JAKMIP1: variants seen among roughly 807,000 people sequenced by gnomAD.
The protein encoded by JAKMIP1 is janus kinase and microtubule interacting protein 1.
A neutral mutation model predicts 113.0 loss-of-function variants in JAKMIP1; 33 were observed. The ratio of observed to expected loss-of-function variants is 0.29; its 90% CI spans 0.22 to 0.39. JAKMIP1 has a LOEUF of 0.39. JAKMIP1 is among the 10% of genes least tolerant of loss of function. JAKMIP1 has a pLI of 1.00. For missense variants in JAKMIP1, 813 were observed against 1,080.5 expected (o/e 0.75, Z 3.47); for synonymous variants, 480 against 459.9 (o/e 1.04, Z -0.56).
At chr4:6,039,468 G>GT (rs917920776) in intron 18 of JAKMIP1, among the ~76,000 whole-genome samples, 14 of 152,066 alleles carry the variant, frequency 9.2e-5, no homozygotes, top group African/African-American at 2.4e-4. Flanking sequence ...ATTCCTTGGA[G>GT]TTTTTTTGGA....
chr4:6,058,159 G>T (rs1007553730), intron 11 of JAKMIP1, among the ~76,000 whole-genome samples: 5 of 152,258 alleles, frequency 3.3e-5, no homozygotes, highest in African/African-American at 1.2e-4. Flanking sequence ...AGCAGGCATG[G>T]AGGGCAGAGC....
chr4:6,030,987 G>A (rs1046372825), intron 19 of JAKMIP1, among the ~76,000 whole-genome samples: 1 of 152,194 alleles, frequency 6.6e-6, no homozygotes, highest in Non-Finnish European at 1.5e-5. Flanking sequence ...GGCACATTTA[G>A]TCACTCAGTA....
rs147351691 is a variant in JAKMIP1, at chr4:6,044,534, G to A, written c.2029-2307C>T. On this transcript the variant is annotated intron_variant, in intron 16 of 20. Transcript: ENST00000409021. This position sits in a 1 kb window ranked among gnomAD's most constrained non-coding sequence, Gnocchi z 4.4. ...CTCAAACAAGGCTCAGACAAGATGC[G>A]TGGTTTCTTAGAAACAGATAAGCAT... is the stretch of plus-strand genomic sequence containing the variant. Among the ~76,000 whole-genome samples the A allele has an allele frequency of 1.8e-4, 28 of 152,306 alleles. No homozygotes were observed. The highest frequency in any genetic ancestry group is 1.6e-3 in the Admixed American group (25 of 15,300).
rs1009412913 is a variant in JAKMIP1, at chr4:6,180,123, G to T, written c.-148+20130C>A. ...CAGAAAATTAAGTGCCACTGAATTA[G>T]CCCCAACACTTTCATAAACAGCAGT... On this transcript the variant is annotated intron_variant, in intron 1 of 20. Transcript: ENST00000409021. This position sits in a 1 kb window ranked among gnomAD's most constrained non-coding sequence, Gnocchi z 4.5. Among the ~76,000 whole-genome samples, 6 of 152,158 alleles carry T rather than the reference G, an allele frequency of 3.9e-5. No individual in the cohort carries two copies. Among genetic ancestry groups the T allele is most frequent in the Non-Finnish European group, 8.8e-5 (6 of 68,038 alleles).
rs1722149957 is a variant in JAKMIP1 at position 6,155,716 on chromosome 4, G to A, written c.-147-42719C>T. 6.6e-6 allele frequency among the ~76,000 whole-genome samples: 1 copy of A among 152,154 alleles called. No homozygotes were observed. The highest frequency in any genetic ancestry group is 1.5e-5 in the Non-Finnish European group (1 of 68,040). On this transcript the variant is annotated intron_variant, in intron 1 of 20. Transcript: ENST00000409021. The surrounding 1 kb of genome is among the most constrained non-coding windows in gnomAD (Gnocchi z 6.1). ...TTCACCAACAACTGTATGTCCCATG[G>A]CACATTTATAGAACGGGATATTATA...
At position 6,064,828 on chromosome 4, in the gene JAKMIP1, C is replaced by A; in HGVS notation, c.1431+52G>T. On this transcript the variant is annotated intron_variant, in intron 9 of 20. Transcript: ENST00000409021. The surrounding 1 kb of genome is among the most constrained non-coding windows in gnomAD (Gnocchi z 4.3). ...TGCAACTATCAAAAGCAGGAGGTGC[C>A]GCCCCGAGAGCATCTGGGGTGAGGT... The A allele has an allele frequency of 1.2e-6, 2 of 1,609,790 alleles. No individual in the cohort carries two copies. Among genetic ancestry groups the A allele is most frequent in the Non-Finnish European group, 1.7e-6 (2 of 1,177,816 alleles).
chr4:6,072,432 G>T (rs565978729), intron 8 of JAKMIP1, among the ~76,000 whole-genome samples: 1 of 152,338 alleles, frequency 6.6e-6, no homozygotes, highest in East Asian at 1.9e-4. Flanking sequence ...CTTTACCTTT[G>T]ATCAGAGCTG....
intron 8 of JAKMIP1, among the ~76,000 whole-genome samples, chr4:6,074,438 T>G (rs1428251932): frequency 1.3e-5 from 2 of 152,182 alleles, no homozygotes; most frequent in African/African-American, 4.8e-5. Context: ...CACAGTACTC[T>G]GTCAAGCAAA....
At chr4:6,171,153 C>G (rs1213465066) in intron 1 of JAKMIP1, among the ~76,000 whole-genome samples, 1 of 150,922 alleles carries the variant, frequency 6.6e-6, no homozygotes, top group Non-Finnish European at 1.5e-5. Flanking sequence ...ACCATCATCA[C>G]CACCACCATC....
intron 3 of JAKMIP1, among the ~76,000 whole-genome samples, chr4:6,103,154 A>G (rs182851425): frequency 3.9e-4 from 60 of 152,228 alleles, no homozygotes; most frequent in African/African-American, 1.3e-3. Context: ...AAGATTTTTG[A>G]TAGAACCATT....
chr4:6,062,227 G>A (rs1011552138), intron 10 of JAKMIP1, 85 bp downstream of exon 10: 3 of 1,465,544 alleles, frequency 2.0e-6, no homozygotes, highest in African/African-American at 2.8e-5. Context: ...GAGTGTCCAA[G>A]CCAGGGTATG....
rs1283829218 is a variant in JAKMIP1, at chr4:6,136,342, C to G, written c.-147-23345G>C. Among the ~76,000 whole-genome samples, 1 of 152,086 alleles carries G rather than the reference C, an allele frequency of 6.6e-6. No individual in the cohort carries two copies. The highest frequency in any genetic ancestry group is 1.5e-5 in the Non-Finnish European group (1 of 68,036). On this transcript the variant is annotated intron_variant, in intron 1 of 20. Coordinates refer to ENST00000409021, the MANE Select transcript of JAKMIP1 (RefSeq NM_001099433.2). The surrounding 1 kb of genome is among the most constrained non-coding windows in gnomAD (Gnocchi z 5.9). ...TTCAGTCTGCTTGAACCCAAAAGAC[C>G]ATGGGAATATTTAAGTACTTCTGAC...
At chr4:6,078,086 G>A (rs1719935823) in intron 8 of JAKMIP1, among the ~76,000 whole-genome samples, 1 of 152,044 alleles carries the variant, frequency 6.6e-6, no homozygotes, top group African/African-American at 2.4e-5. Flanking sequence ...AACCAAACGG[G>A]GCACTTGTGT....
chr4:6,068,170 T>A (rs1718442064), intron 8 of JAKMIP1, among the ~76,000 whole-genome samples: 1 of 152,166 alleles, frequency 6.6e-6, no homozygotes, highest in Non-Finnish European at 1.5e-5. Context: ...TAACTACCAA[T>A]GCTGCCGAAA....
At chr4:6,122,646 G>A (rs558694742) in intron 1 of JAKMIP1, among the ~76,000 whole-genome samples, 5 of 152,320 alleles carry the variant, frequency 3.3e-5, no homozygotes, top group Admixed American at 6.5e-5. Context: ...AGCAAGTGCC[G>A]GCTCTAGGAT....
intron 2 of JAKMIP1, among the ~76,000 whole-genome samples, chr4:6,110,556 G>T (rs1477580102): frequency 6.7e-6 from 1 of 149,408 alleles, no homozygotes; most frequent in African/African-American, 2.5e-5. Context: ...CACTGCCAGG[G>T]TCATGACACC....
At position 6,129,786 on chromosome 4, in the gene JAKMIP1, C is replaced by G. The variant is rs1020132448; in HGVS notation, c.-147-16789G>C. Among the ~76,000 whole-genome samples, 1 of 152,200 alleles carries G rather than the reference C, an allele frequency of 6.6e-6. No homozygotes were observed. Among genetic ancestry groups the G allele is most frequent in the African/African-American group, 2.4e-5 (1 of 41,438 alleles). ...GAAAAGTATTCTGAGGTCAAAACAC[C>G]CTTCCTGTTTCTGGCAGCCTCAATT... On this transcript the variant is annotated intron_variant, in intron 1 of 20. Transcript: ENST00000409021. The surrounding 1 kb of genome is among the most constrained non-coding windows in gnomAD (Gnocchi z 5.4).
intron 8 of JAKMIP1, among the ~76,000 whole-genome samples, chr4:6,068,287 C>G (rs996686845): frequency 7.2e-5 from 11 of 152,190 alleles, no homozygotes; most frequent in South Asian, 2.1e-4. Flanking sequence ...TAGCAAACAG[C>G]CTAACTCCAG....
intron 17 of JAKMIP1, among the ~76,000 whole-genome samples, chr4:6,041,033 G>T (rs762451971): frequency 1.1e-4 from 17 of 151,998 alleles, no homozygotes; most frequent in East Asian, 1.9e-4. Context: ...GTCCTTCTAG[G>T]TTCCTCCTGC....
Sources: gnomAD v4.1 joint callset for allele counts (sites outside exome capture counted in the v4.1 genomes callset) on GRCh38, gnomAD v4.1.1 for gene constraint, Gnocchi (gnomAD v3.1) non-coding constraint, MANE v1.5 for transcripts, NCBI Gene and HGNC (gene_info 2026-07-23, HGNC 2026-07-21) for gene names.